TBL1X: variants seen among roughly 807,000 people sequenced by gnomAD.
TBL1X encodes the protein transducin beta like 1 X-linked.
Under a neutral mutation model 50.7 loss-of-function variants are expected in TBL1X, and 10 were observed. That is an observed-to-expected ratio of 0.20 (90% CI 0.12 to 0.33). The LOEUF (loss-of-function observed/expected upper bound fraction) is 0.33, where lower values mean the gene tolerates loss of function less well. Ranked by LOEUF, TBL1X falls within the 10% of genes least tolerant of loss-of-function variation. The pLI, the probability that TBL1X is intolerant of heterozygous loss-of-function variation, is 1.00. For synonymous variants in TBL1X, 190 were observed against 214.7 expected (o/e 0.88, Z 1.01); for missense variants, 340 against 504.4 (o/e 0.67, Z 3.12).
intron 5 of TBL1X, among the ~76,000 whole-genome samples, chrX:9,681,536 C>T (rs1172579363): frequency 1.8e-5 from 2 of 112,334 alleles, no homozygotes; most frequent in African/African-American, 3.2e-5. Context: ...TGGTCAGAAT[C>T]GGCTCTGTTT....
At chrX:9,478,746 T>C (rs2081863163) in intron 1 of TBL1X, among the ~76,000 whole-genome samples, 1 of 112,262 alleles carries the variant, frequency 8.9e-6, no homozygotes. Flanking sequence ...GATTGGCCTT[T>C]TGAGATATCT....
intron 2 of TBL1X, among the ~76,000 whole-genome samples, chrX:9,558,550 A>ATATATG (rs1380963992): frequency 1.8e-5 from 2 of 110,085 alleles, no homozygotes; most frequent in African/African-American, 6.6e-5. Context: ...AAATATATAT[A>ATATATG]TATATGTATA....
At chrX:9,467,800 A>G (rs2081786276) in intron 1 of TBL1X, among the ~76,000 whole-genome samples, 1 of 112,051 alleles carries the variant, frequency 8.9e-6, no homozygotes, top group Non-Finnish European at 1.9e-5. Context: ...CACCAGAACC[A>G]AAAGAAAAGC....
intron 2 of TBL1X, among the ~76,000 whole-genome samples, chrX:9,570,365 A>G (rs2082378573): frequency 8.9e-6 from 1 of 112,101 alleles, no homozygotes; most frequent in Non-Finnish European, 1.9e-5. Context: ...CCCAAGAGAC[A>G]GGAATGGGAC....
intron 2 of TBL1X, among the ~76,000 whole-genome samples, chrX:9,595,646 C>G (rs1436764809): frequency 9.0e-6 from 1 of 111,602 alleles, no homozygotes; most frequent in African/African-American, 3.3e-5. Flanking sequence ...AGCTTGAATC[C>G]TTAGGGTGGA....
chrX:9,561,559 G>A (rs904378200), intron 2 of TBL1X, among the ~76,000 whole-genome samples: 1 of 112,129 alleles, frequency 8.9e-6, no homozygotes, highest in Non-Finnish European at 1.9e-5. Context: ...GTGAAGCCTT[G>A]TGAAATTCAT....
At chrX:9,574,459 G>GA (rs376384853) in intron 2 of TBL1X, among the ~76,000 whole-genome samples, 2,822 of 29,936 alleles carry the variant, frequency 0.094, 171 homozygotes, top group African/African-American at 0.16. Context: ...TGTCTCAAAT[G>GA]AAAAAAAAAA....
At chrX:9,502,575 G>C (rs1313446424) in intron 2 of TBL1X, among the ~76,000 whole-genome samples, 5 of 112,317 alleles carry the variant, frequency 4.5e-5, no homozygotes, top group African/African-American at 1.3e-4. Flanking sequence ...AAGGAGCAGA[G>C]CTGGGGTTCA....
At chrX:9,589,120 C>T (rs2082486345) in intron 2 of TBL1X, among the ~76,000 whole-genome samples, 1 of 111,298 alleles carries the variant, frequency 9.0e-6, no homozygotes, top group African/African-American at 3.3e-5. Flanking sequence ...CATGGGTTAT[C>T]CTTACCAGTG....
At position 9,688,139 on chromosome X, in the gene TBL1X, T is replaced by TGCG. The variant is rs748109795; in HGVS notation, c.495_497dup (p.Ala168dup). On this transcript the variant is annotated inframe_insertion, in exon 7 of 18. Transcript: ENST00000645353. ...AGAAGCTCGCTCAGCAGCAAGCCAG[T>TGCG]GCGGCGGCGGCGGCGGCTGCGGCCA... 3.8e-5 allele frequency: 46 copies of TGCG among 1,201,708 alleles called. No homozygotes were observed. The highest frequency in any genetic ancestry group is 2.6e-4 in the African/African-American group (15 of 56,986).
At chrX:9,621,171 T>C (rs1569077793) in intron 2 of TBL1X, among the ~76,000 whole-genome samples, 2 of 111,198 alleles carry the variant, frequency 1.8e-5, no homozygotes, top group African/African-American at 3.3e-5. Context: ...CCTGCAGGGA[T>C]AGGTGAGGAG....
intron 2 of TBL1X, among the ~76,000 whole-genome samples, chrX:9,532,693 C>A (rs940730701): frequency 2.7e-5 from 3 of 111,331 alleles, no homozygotes; most frequent in Non-Finnish European, 5.7e-5. Context: ...AGGCCTCTCT[C>A]CTGGGCTTGT....
chrX:9,563,960 G>C (rs2082336064), intron 2 of TBL1X, among the ~76,000 whole-genome samples: 1 of 112,517 alleles, frequency 8.9e-6, no homozygotes, highest in African/African-American at 3.2e-5. Context: ...GCACTTCCCG[G>C]ATTTAAAAAA....
At chrX:9,472,439 C>CT (rs63196061) in intron 1 of TBL1X, among the ~76,000 whole-genome samples, 21 of 89,662 alleles carry the variant, frequency 2.3e-4, no homozygotes, top group East Asian at 1.1e-3. Flanking sequence ...TTTTTTCTTT[C>CT]TTTTTTTTTT....
rs754058366 is a variant in TBL1X at position 9,573,797 on chromosome X, C to T, written c.-130-66476C>T. On this transcript the variant is annotated intron_variant, in intron 2 of 17. Coordinates refer to ENST00000645353, the MANE Select transcript of TBL1X (RefSeq NM_005647.4). The stretch of plus-strand genomic sequence containing the variant: ...CAGTGGGATGTGTCTGAGCAGCCTA[C>T]GCTGGGCATGGGCCGGGGCACGCTG... Among the ~76,000 whole-genome samples the T allele has an allele frequency of 2.7e-5, 3 of 112,934 alleles. No homozygotes were observed. The South Asian group carries it at 1.1e-3, about 40-fold the overall frequency.
chrX:9,649,808 CTG>C (rs1053243308), intron 3 of TBL1X, among the ~76,000 whole-genome samples: 1 of 111,389 alleles, frequency 9.0e-6, no homozygotes, highest in Non-Finnish European at 1.9e-5. Context: ...AGATCTCACT[CTG>C]TCACCCAAGA....
At chrX:9,562,818 G>A (rs7889243) in intron 2 of TBL1X, among the ~76,000 whole-genome samples, 4,421 of 111,215 alleles carry the variant, frequency 0.04, 212 homozygotes, top group African/African-American at 0.14. Context: ...TTTGTTTTAA[G>A]TACACACCTA....
chrX:9,563,543 T>A (rs2082333914), intron 2 of TBL1X, among the ~76,000 whole-genome samples: 1 of 112,902 alleles, frequency 8.9e-6, no homozygotes, highest in African/African-American at 3.2e-5. Flanking sequence ...TTTCGTATTT[T>A]AAAAAATTTT....
At chrX:9,694,024 A>G (rs911926389) in intron 11 of TBL1X, among the ~76,000 whole-genome samples, 2 of 110,672 alleles carry the variant, frequency 1.8e-5, no homozygotes, top group Non-Finnish European at 3.8e-5. Flanking sequence ...CCCAAGGGCA[A>G]AGAGTAAGGG....
Sources: allele counts gnomAD v4.1 joint callset (sites outside exome capture counted in the v4.1 genomes callset), GRCh38; gene constraint gnomAD v4.1.1; transcripts MANE v1.5; gene names NCBI Gene and HGNC (gene_info 2026-07-23, HGNC 2026-07-21).